The following EPB41 variants were observed in gnomAD, a reference collection of about 807,000 sequenced individuals.
EPB41 encodes erythrocyte membrane protein band 4.1.
EPB41 carries 65 observed loss-of-function variants against 108.0 expected under a neutral mutation model. That is an observed-to-expected ratio of 0.60 (90% CI 0.49 to 0.74). The LOEUF is 0.74. Ranked by LOEUF, EPB41 falls within the 30% of genes least tolerant of loss-of-function variation. The pLI, the probability that EPB41 is intolerant of heterozygous loss-of-function variation, is 0.00. For missense variants in EPB41, 875 were observed against 1,037.0 expected (o/e 0.84, Z 2.15); for synonymous variants, 336 against 358.9 (o/e 0.94, Z 0.72).
intron 1 of EPB41, among the ~76,000 whole-genome samples, chr1:28,916,178 A>G (rs776369455): frequency 7.7e-4 from 117 of 152,338 alleles, no homozygotes; most frequent in Non-Finnish European, 1.4e-3. Flanking sequence ...TAAGCACTCA[A>G]TAAATGGCAG....
At chr1:28,942,913 C>G (rs1361463026) in intron 1 of EPB41, among the ~76,000 whole-genome samples, 2 of 152,136 alleles carry the variant, frequency 1.3e-5, no homozygotes, top group African/African-American at 2.4e-5. Flanking sequence ...GTGCCAGGAC[C>G]AGAGACCAAA....
At chr1:29,060,074 G>C (rs1355843553) in intron 14 of EPB41, among the ~76,000 whole-genome samples, 1 of 152,084 alleles carries the variant, frequency 6.6e-6, no homozygotes, top group Non-Finnish European at 1.5e-5. Context: ...ATGATACATG[G>C]AGTTTCAGCG....
At position 29,115,834 on chromosome 1, in the gene EPB41, G is replaced by A; in HGVS notation, c.*6+31G>A. On this transcript the variant is annotated intron_variant, in intron 20 of 20. Transcript: ENST00000343067. This position sits in a 1 kb window ranked among gnomAD's most constrained non-coding sequence, Gnocchi z 4.4. ...GGGCGTTCCTGCTGGGGCTGAGGGT[G>A]CCCACAGTCCCAGCCTGAGAGGGCT... 2 of 1,547,664 alleles carry A rather than the reference G, an allele frequency of 1.3e-6. No individual in the cohort carries two copies. The highest frequency in any genetic ancestry group is 1.8e-6 in the Non-Finnish European group (2 of 1,120,204).
At position 29,086,940 on chromosome 1, in the gene EPB41, CT is replaced by C. The variant is rs386366593; in HGVS notation, c.2185-10845del. Among the ~76,000 whole-genome samples, 765 of 98,522 alleles carry C rather than the reference CT, an allele frequency of 7.8e-3. 1 individual carries two copies. Among genetic ancestry groups the C allele is most frequent in the African/African-American group, 0.026 (657 of 25,170 alleles). 64.6% of individuals were successfully genotyped at this position (98,522 alleles called of 152,430 possible). A position where few individuals can be genotyped will look rare whatever the true frequency, so the allele number is the denominator to read the frequency against. ...CACTCTTGTAAGCTTAACTGTGGTT[CT>C]TTTTTTTTTTTTTTTTTTTTTGAGA... On this transcript the variant is annotated intron_variant, in intron 16 of 20. Coordinates refer to ENST00000343067, the MANE Select transcript of EPB41 (RefSeq NM_001376013.1).
chr1:28,994,262 C>G (rs1317188888), intron 3 of EPB41, among the ~76,000 whole-genome samples: 1 of 152,020 alleles, frequency 6.6e-6, no homozygotes, highest in East Asian at 1.9e-4. Flanking sequence ...AGCTCTGCCT[C>G]CTGGGTTCAC....
intron 12 of EPB41, chr1:29,053,686 AT>A (rs2150763356): frequency 5.0e-6 from 1 of 200,380 alleles, no homozygotes; most frequent in African/African-American, 2.4e-5. Flanking sequence ...CAGCCTCCTG[AT>A]TAGCCGGGAC....
chr1:28,942,794 C>CA (rs1353394109), intron 1 of EPB41, among the ~76,000 whole-genome samples: 1 of 152,186 alleles, frequency 6.6e-6, no homozygotes, highest in African/African-American at 2.4e-5. Flanking sequence ...GTTCCCCTGG[C>CA]AACCAGCCCC....
intron 11 of EPB41, among the ~76,000 whole-genome samples, chr1:29,048,315 A>G (rs1251409974): frequency 4.0e-5 from 6 of 151,758 alleles, no homozygotes; most frequent in Admixed American, 3.9e-4. Context: ...CCCAGGTTCA[A>G]ACAATTCTCC....
chr1:29,034,947 G>A (rs1572821451), intron 9 of EPB41, among the ~76,000 whole-genome samples: 1 of 147,876 alleles, frequency 6.8e-6, no homozygotes, highest in Non-Finnish European at 1.5e-5. Context: ...CAATGTATAC[G>A]TGTTTCTTGG....
In EPB41 at chr1:28,993,428, T is replaced by A. The variant is rs1273950776; in HGVS notation, c.567T>A (p.Pro189=). 6.2e-7 allele frequency: 1 copy of A among 1,613,910 alleles called. No homozygotes were observed. The highest frequency in any genetic ancestry group is 1.1e-5 in the South Asian group (1 of 91,078). Residue 189 remains proline, a synonymous_variant, in exon 3 of 21, where the codon CCT becomes CCA. Transcript: ENST00000343067. ...AAATAGAAGTAAAAGAAGAAAGCCC[T>A]CAATCAAAAGCAGAAACAGAATTAA... ...CSKIEVKEES[P]QSKAETELKA...
intron 1 of EPB41, among the ~76,000 whole-genome samples, chr1:28,935,468 C>CACACACACA (rs1491193201): frequency 0.011 from 470 of 42,258 alleles, 61 homozygotes; most frequent in African/African-American, 0.03. Flanking sequence ...CACACACACA[C>CACACACACA]CCCCCCCCCC....
At chr1:29,006,680 C>T (rs1403361620) in intron 4 of EPB41, among the ~76,000 whole-genome samples, 1 of 152,024 alleles carries the variant, frequency 6.6e-6, no homozygotes, top group Admixed American at 6.6e-5. Context: ...CTCCCCACTC[C>T]CCATCAAAAG....
Position 28,887,668 on chromosome 1 carries a change from C to T in EPB41, c.-8+458C>T. ...TAGCAGCGGGAGGGGGCTCCGGGGC[C>T]TGGAGCCCCGCGCCCCGCTCCGGCC... is the stretch of plus-strand genomic sequence containing the variant. On this transcript the variant is annotated intron_variant, in intron 1 of 16. Coordinates refer to the EPB41 transcript ENST00000347529. The surrounding 1 kb of genome is among the most constrained non-coding windows in gnomAD (Gnocchi z 4.9). The T allele has an allele frequency of 3.0e-6, 3 of 985,212 alleles. No homozygotes were observed. Among genetic ancestry groups the T allele is most frequent in the Non-Finnish European group, 2.4e-6 (2 of 829,820 alleles). The allele number at this position is 985,212 out of a possible 1,614,324, so 61.0% of individuals were successfully genotyped here.
chr1:28,905,648 A>C (rs1570271198), intron 1 of EPB41, among the ~76,000 whole-genome samples: 1 of 152,218 alleles, frequency 6.6e-6, no homozygotes, highest in Non-Finnish European at 1.5e-5. Context: ...AACTGTGAGA[A>C]AATAAATTTC....
chr1:29,037,985 C>T (rs935359802), intron 10 of EPB41, among the ~76,000 whole-genome samples: 1 of 152,130 alleles, frequency 6.6e-6, no homozygotes, highest in African/African-American at 2.4e-5. Context: ...ACTCCTTCCC[C>T]CTACTTCCGA....
At chr1:29,095,174 TG>T (rs1183735083) in intron 16 of EPB41, among the ~76,000 whole-genome samples, 4 of 152,168 alleles carry the variant, frequency 2.6e-5, no homozygotes, top group African/African-American at 9.7e-5. Flanking sequence ...GTTTTTCCTG[TG>T]GAGTGAGGTA....
At chr1:29,090,286 A>G (rs185461780) in intron 16 of EPB41, among the ~76,000 whole-genome samples, 2 of 152,304 alleles carry the variant, frequency 1.3e-5, no homozygotes, top group Admixed American at 6.5e-5. Context: ...TGATGAGGGA[A>G]ACATTAAAGC....
At chr1:28,907,146 C>T (rs1311877782) in intron 1 of EPB41, among the ~76,000 whole-genome samples, 1 of 151,486 alleles carries the variant, frequency 6.6e-6, no homozygotes, top group African/African-American at 2.4e-5. Flanking sequence ...CTCACTGCAA[C>T]GTCCGCCTCC....
At chr1:28,967,508 C>T (rs1344323187) in intron 1 of EPB41, among the ~76,000 whole-genome samples, 2 of 152,322 alleles carry the variant, frequency 1.3e-5, no homozygotes, top group South Asian at 2.1e-4. Context: ...GCTTCTGACC[C>T]ATGTTAACAC....
Sources: allele counts gnomAD v4.1 joint callset (sites outside exome capture counted in the v4.1 genomes callset), GRCh38; gene constraint gnomAD v4.1.1; non-coding constraint Gnocchi (gnomAD v3.1); transcripts MANE v1.5; gene names NCBI Gene and HGNC (gene_info 2026-07-23, HGNC 2026-07-21).